EXOC6B: variants seen among roughly 807,000 people sequenced by gnomAD.
EXOC6B encodes SEC15 homolog B.
EXOC6B carries 54 observed loss-of-function variants against 113.5 expected under a neutral mutation model. That is an observed-to-expected ratio of 0.48 (90% CI 0.38 to 0.60). The LOEUF (loss-of-function observed/expected upper bound fraction) is 0.60. Ranked by LOEUF, EXOC6B falls within the 20% of genes least tolerant of loss-of-function variation. The probability of loss-of-function intolerance (pLI) is 0.00; values close to 1 mark genes in which losing one functional copy is unlikely to be tolerated. For missense variants in EXOC6B, 797 were observed against 977.5 expected (o/e 0.82, Z 2.46); for synonymous variants, 357 against 339.0 (o/e 1.05, Z -0.58).
Position 72,272,476 on chromosome 2 carries a change from T to C in EXOC6B, c.2196+62471A>G, listed in dbSNP as rs114507062. Among the ~76,000 whole-genome samples the C allele has an allele frequency of 4.6e-3, 702 of 152,262 alleles. 7 individuals carry two copies. Among genetic ancestry groups the C allele is most frequent in the African/African-American group, 0.016 (650 of 41,564 alleles). On this transcript the variant is annotated intron_variant, in intron 20 of 21. Coordinates refer to ENST00000272427, the MANE Select transcript of EXOC6B (RefSeq NM_015189.3). ...AGCAAAGGGGACTATCTGTCAAGTATACCTAGGTGCTTTCCTCATCACTGC... is the reference window on the plus strand; with the variant it reads ...AGCAAAGGGGACTATCTGTCAAGTACACCTAGGTGCTTTCCTCATCACTGC...
At chr2:72,392,060 T>C (rs2105115324) in intron 18 of EXOC6B, among the ~76,000 whole-genome samples, 1 of 152,360 alleles carries the variant, frequency 6.6e-6, no homozygotes, top group South Asian at 2.1e-4. Flanking sequence ...TTTCATTCTT[T>C]TTTTAAAAAT....
intron 19 of EXOC6B, among the ~76,000 whole-genome samples, chr2:72,358,606 A>C (rs1343621931): frequency 1.3e-5 from 2 of 152,230 alleles, no homozygotes; most frequent in African/African-American, 4.8e-5. Flanking sequence ...GAGTATGCCC[A>C]AACTACTAAA....
intron 19 of EXOC6B, among the ~76,000 whole-genome samples, chr2:72,369,381 A>G (rs1690857201): frequency 6.6e-6 from 1 of 152,234 alleles, no homozygotes; most frequent in Non-Finnish European, 1.5e-5. Flanking sequence ...GAAATGGAAG[A>G]ACATTTCGTG....
chr2:72,397,617 C>CAAAAAAAAAAAAAAAAATA (rs1229846045), intron 18 of EXOC6B, among the ~76,000 whole-genome samples: 1 of 93,412 alleles, frequency 1.1e-5, no homozygotes, highest in Admixed American at 1.1e-4. Context: ...AACCTCATCT[C>CAAAAAAAAAAAAAAAAATA]AAAAAAAAAA....
At chr2:72,203,106 A>G (rs1679593528) in intron 20 of EXOC6B, among the ~76,000 whole-genome samples, 1 of 152,244 alleles carries the variant, frequency 6.6e-6, no homozygotes, top group Non-Finnish European at 1.5e-5. Flanking sequence ...AATACTGGCG[A>G]TGATGATGAT....
intron 6 of EXOC6B, among the ~76,000 whole-genome samples, chr2:72,577,456 C>A (rs1187916600): frequency 6.6e-6 from 1 of 151,898 alleles, no homozygotes; most frequent in Admixed American, 6.6e-5. Flanking sequence ...TCATTTGCTC[C>A]CTTAACTCTA....
chr2:72,271,113 T>C lies in EXOC6B; in HGVS notation c.2196+63834A>G, dbSNP rs1014997611. Among the ~76,000 whole-genome samples, 3 of 152,140 alleles carry C rather than the reference T, an allele frequency of 2.0e-5. No homozygotes were observed. In the East Asian group the frequency reaches 5.8e-4, roughly 29 times the overall value. Reference sequence around the variant, plus strand: ...CAGCCAGGTACTTTGACATGTTTCCTATTATGTTGAGAAACTGAGGGAACA... The same window carrying C: ...CAGCCAGGTACTTTGACATGTTTCCCATTATGTTGAGAAACTGAGGGAACA... On this transcript the variant is annotated intron_variant, in intron 20 of 21. Coordinates refer to ENST00000272427, the MANE Select transcript of EXOC6B (RefSeq NM_015189.3).
chr2:72,617,272 CT>C (rs148591551), intron 6 of EXOC6B, among the ~76,000 whole-genome samples: 4,625 of 152,232 alleles, frequency 0.03, 108 homozygotes, highest in Non-Finnish European at 0.046. Flanking sequence ...ATGGTGCAAG[CT>C]GTGGGTGGAT....
At chr2:72,701,401 T>C (rs1313591102) in intron 6 of EXOC6B, among the ~76,000 whole-genome samples, 2 of 147,754 alleles carry the variant, frequency 1.4e-5, no homozygotes, top group African/African-American at 5.0e-5. Context: ...ATTTCAAAGA[T>C]AAATTGTATC....
chr2:72,213,964 C>T (rs924300596), intron 20 of EXOC6B, among the ~76,000 whole-genome samples: 6 of 152,072 alleles, frequency 3.9e-5, no homozygotes, highest in African/African-American at 1.2e-4. Flanking sequence ...ACTAAAACAA[C>T]GGGAAATTGG....
chr2:72,524,118 G>A (rs577390210), intron 8 of EXOC6B, among the ~76,000 whole-genome samples: 21 of 147,996 alleles, frequency 1.4e-4, no homozygotes, highest in African/African-American at 5.0e-4. Context: ...AACTGTCACG[G>A]CATCCAAGTG....
chr2:72,663,014 C>T (rs527590788), intron 6 of EXOC6B, among the ~76,000 whole-genome samples: 2 of 152,258 alleles, frequency 1.3e-5, no homozygotes, highest in Admixed American at 6.5e-5. Context: ...CCACCCCACC[C>T]GGCCTAGCCA....
intron 18 of EXOC6B, among the ~76,000 whole-genome samples, chr2:72,412,631 CTAAGA>C (rs1237560113): frequency 6.6e-6 from 1 of 152,170 alleles, no homozygotes; most frequent in Non-Finnish European, 1.5e-5. Context: ...CTTTTTGGAG[CTAAGA>C]TAACACTTTA....
chr2:72,821,968 A>C (rs1449360090), intron 1 of EXOC6B, among the ~76,000 whole-genome samples: 1 of 152,206 alleles, frequency 6.6e-6, no homozygotes, highest in African/African-American at 2.4e-5. Context: ...ATTATATCTC[A>C]ATATAGTTGT....
chr2:72,458,881 T>C (rs1333548023), intron 18 of EXOC6B, among the ~76,000 whole-genome samples: 1 of 151,664 alleles, frequency 6.6e-6, no homozygotes, highest in Non-Finnish European at 1.5e-5. Flanking sequence ...ACAGGTGGGC[T>C]GGCAAAAGCA....
chr2:72,404,401 A>G (rs1693577014), intron 18 of EXOC6B, among the ~76,000 whole-genome samples: 1 of 152,230 alleles, frequency 6.6e-6, no homozygotes, highest in Non-Finnish European at 1.5e-5. Flanking sequence ...GAGAATGGAC[A>G]GACTGCCTCT....
At chr2:72,337,549 T>TG (rs1688761958) in intron 19 of EXOC6B, among the ~76,000 whole-genome samples, 1 of 152,192 alleles carries the variant, frequency 6.6e-6, no homozygotes, top group African/African-American at 2.4e-5. Context: ...CTTAGGAATC[T>TG]GGATGTGATA....
At chr2:72,325,721 G>C (rs1408823972) in intron 20 of EXOC6B, among the ~76,000 whole-genome samples, 1 of 151,812 alleles carries the variant, frequency 6.6e-6, no homozygotes, top group East Asian at 1.9e-4. Context: ...TTGTCCTCTT[G>C]GGACTTGACA....
chr2:72,230,818 C>T (rs899439241), intron 20 of EXOC6B, among the ~76,000 whole-genome samples: 6 of 151,904 alleles, frequency 3.9e-5, no homozygotes, highest in African/African-American at 1.5e-4. Context: ...TGAAGTATTG[C>T]TAGGAATAGT....
Sources: gnomAD v4.1 joint callset for allele counts (sites outside exome capture counted in the v4.1 genomes callset) on GRCh38, gnomAD v4.1.1 for gene constraint, MANE v1.5 for transcripts, NCBI Gene and HGNC (gene_info 2026-07-23, HGNC 2026-07-21) for gene names.